The following SDK1 variants were observed in gnomAD, a reference collection of about 807,000 sequenced individuals.
SDK1 encodes the protein protein sidekick-1.
SDK1 carries 157 observed loss-of-function variants against 245.5 expected under a neutral mutation model. The ratio of observed to expected loss-of-function variants is 0.64; its 90% confidence interval spans 0.56 to 0.73. The LOEUF is 0.73. Ranked by LOEUF, SDK1 falls within the 30% of genes least tolerant of loss-of-function variation. The probability of loss-of-function intolerance (pLI) is 0.00; values close to 1 mark genes in which losing one functional copy is unlikely to be tolerated. For synonymous variants in SDK1, 1,647 were observed against 1,278.5 expected, an observed-to-expected ratio of 1.29 and a Z score of -6.15; for missense variants, 3,583 against 3,002.3, an observed-to-expected ratio of 1.19 and a Z score of -4.52.
chr7:4,106,028 G>C (rs1256620804), intron 22 of SDK1, among the ~76,000 whole-genome samples: 2 of 152,196 alleles, frequency 1.3e-5, no homozygotes. Flanking sequence ...CAGGCACTGG[G>C]CGGGAAGGGC....
intron 1 of SDK1, among the ~76,000 whole-genome samples, chr7:3,515,308 G>T (rs993845783): frequency 6.6e-6 from 1 of 152,138 alleles, no homozygotes; most frequent in African/African-American, 2.4e-5. Flanking sequence ...TTCTTTTGTT[G>T]TGTCTATATT....
chr7:3,575,028 C>T (rs1780240014), intron 1 of SDK1, among the ~76,000 whole-genome samples: 4 of 152,024 alleles, frequency 2.6e-5, no homozygotes, highest in African/African-American at 7.2e-5. Flanking sequence ...CCTCCCATTC[C>T]TGTGCAGCCT....
chr7:3,520,586 A>G (rs1882427), intron 1 of SDK1, among the ~76,000 whole-genome samples: 40,750 of 151,968 alleles, frequency 0.27, 5,622 homozygotes, highest in East Asian at 0.33. Context: ...GTCTTAAAAT[A>G]TAGTAGAATT....
intron 4 of SDK1, among the ~76,000 whole-genome samples, chr7:3,706,650 CT>C (rs1784899554): frequency 6.6e-6 from 1 of 152,194 alleles, no homozygotes; most frequent in Admixed American, 6.5e-5. Flanking sequence ...GATCCACCCA[CT>C]TTGGCCTCCC....
intron 1 of SDK1, among the ~76,000 whole-genome samples, chr7:3,306,092 T>C (rs59478367): frequency 0.15 from 23,273 of 152,050 alleles, 2,814 homozygotes; most frequent in African/African-American, 0.33. Context: ...GAGGGAAAAA[T>C]GGGCAGCAAT....
In SDK1 at chr7:4,077,167, C is replaced by T. The variant is rs371164504; in HGVS notation, c.3180C>T (p.Thr1060=). 6.2e-7 allele frequency: 1 copy of T among 1,614,198 alleles called. No homozygotes were observed. Among genetic ancestry groups the T allele is most frequent in the Non-Finnish European group, 8.5e-7 (1 of 1,180,028 alleles). The part of the protein sequence containing the change: ...AVGTGLVTSS[T]ISSGVPPDLP... Reference sequence around the variant, plus strand: ...GCACTGGCCTGGTGACTTCATCCACCATTTCTTCTGGAGTGCCCCCAGGTC... The same window carrying T: ...GCACTGGCCTGGTGACTTCATCCACTATTTCTTCTGGAGTGCCCCCAGGTC... Residue 1060 remains threonine, a synonymous_variant, in exon 21 of 45, where the codon ACC becomes ACT. Transcript: ENST00000404826.
chr7:4,225,320 A>G (rs1370942029), intron 40 of SDK1, among the ~76,000 whole-genome samples: 1 of 152,152 alleles, frequency 6.6e-6, no homozygotes, highest in Non-Finnish European at 1.5e-5. Flanking sequence ...GTTTAGCGTC[A>G]AGTAATCATT....
chr7:3,974,367 A>G lies in SDK1; in HGVS notation c.1818-2A>G. On this transcript the variant is annotated splice_acceptor_variant, in intron 12 of 44. Transcript: ENST00000404826. LOFTEE classifies it high-confidence loss of function. The stretch of plus-strand genomic sequence containing the variant: ...ACTCAAGACCCTTTGCTTGGCCCAC[A>G]GCTACGTTTGGAAGAAGGACAACGT... 1 of 1,610,804 alleles carries G rather than the reference A, an allele frequency of 6.2e-7. No homozygotes were observed. Among genetic ancestry groups the G allele is most frequent in the Non-Finnish European group, 8.5e-7 (1 of 1,177,280 alleles).
chr7:3,307,924 G>T (rs536296376), intron 1 of SDK1, among the ~76,000 whole-genome samples: 1 of 152,126 alleles, frequency 6.6e-6, no homozygotes, highest in African/African-American at 2.4e-5. Flanking sequence ...GTCTGCATGT[G>T]TCTCCTGTCT....
intron 1 of SDK1, among the ~76,000 whole-genome samples, chr7:3,506,354 A>G (rs1782392381): frequency 1.3e-5 from 2 of 152,070 alleles, no homozygotes; most frequent in East Asian, 3.9e-4. Flanking sequence ...AATCACTCTT[A>G]CCTATTCCCT....
At chr7:3,685,902 A>G (rs968932394) in intron 4 of SDK1, among the ~76,000 whole-genome samples, 4 of 152,114 alleles carry the variant, frequency 2.6e-5, no homozygotes, top group African/African-American at 9.7e-5. Flanking sequence ...CATGCATATC[A>G]ATAATTATGT....
At chr7:4,067,631 G>T (rs1779988175) in intron 19 of SDK1, among the ~76,000 whole-genome samples, 1 of 152,132 alleles carries the variant, frequency 6.6e-6, no homozygotes, top group African/African-American at 2.4e-5. Context: ...TGTGTGGCTG[G>T]GATGAAGCTG....
intron 4 of SDK1, among the ~76,000 whole-genome samples, chr7:3,769,250 T>C (rs1348430907): frequency 2.0e-5 from 3 of 152,168 alleles, no homozygotes; most frequent in African/African-American, 7.2e-5. Flanking sequence ...AATGTATTTC[T>C]TAACAGCTGT....
intron 40 of SDK1, chr7:4,227,457 G>A: frequency 2.1e-6 from 1 of 470,612 alleles, no homozygotes; most frequent in Non-Finnish European, 4.4e-6. Context: ...GATGTATTTA[G>A]CCTCATGTTT....
intron 17 of SDK1, among the ~76,000 whole-genome samples, chr7:4,047,304 T>C (rs188876224): frequency 6.6e-6 from 1 of 152,380 alleles, no homozygotes; most frequent in Admixed American, 6.5e-5. Flanking sequence ...TTGATTGTTA[T>C]TCACATCTTG....
intron 28 of SDK1, among the ~76,000 whole-genome samples, chr7:4,139,617 G>GTGTGTGTGTA (rs1554358776): frequency 4.4e-3 from 221 of 50,312 alleles, no homozygotes; most frequent in Middle Eastern, 0.022. Context: ...GTGTGTATAT[G>GTGTGTGTGTA]TGTGTGTGTA....
chr7:3,495,503 C>A (rs377190711), intron 1 of SDK1, among the ~76,000 whole-genome samples: 2 of 152,166 alleles, frequency 1.3e-5, no homozygotes, highest in Non-Finnish European at 2.9e-5. Flanking sequence ...AAGAGATCCT[C>A]CCGCCTCAGC....
chr7:3,545,680 C>A (rs558197426), intron 1 of SDK1, among the ~76,000 whole-genome samples: 71 of 152,284 alleles, frequency 4.7e-4, no homozygotes, highest in African/African-American at 1.6e-3. Flanking sequence ...CTGGCTGGTT[C>A]AGCATTTTAC....
chr7:3,848,898 C>CTGA (rs1429127316), intron 5 of SDK1, among the ~76,000 whole-genome samples: 1 of 152,140 alleles, frequency 6.6e-6, no homozygotes, highest in Non-Finnish European at 1.5e-5. Flanking sequence ...TCTCGAACTC[C>CTGA]TGACCTTATG....
Sources: allele counts gnomAD v4.1 joint callset (sites outside exome capture counted in the v4.1 genomes callset), GRCh38; gene constraint gnomAD v4.1.1; transcripts MANE v1.5; gene names NCBI Gene and HGNC (gene_info 2026-07-23, HGNC 2026-07-21).